The following KCNH8 variants were observed in gnomAD, a reference collection of about 807,000 sequenced individuals.
KCNH8 encodes the protein voltage-gated delayed rectifier potassium channel KCNH8.
Under a neutral mutation model 103.6 loss-of-function variants are expected in KCNH8, and 70 were observed. That is an observed-to-expected ratio of 0.68 (90% CI 0.56 to 0.82). The LOEUF is 0.82. KCNH8 is among the 40% of genes least tolerant of loss of function. KCNH8 has a pLI of 0.00. For synonymous variants in KCNH8, 498 were observed against 489.4 expected (o/e 1.02, Z -0.23); for missense variants, 1,217 against 1,329.9 (o/e 0.92, Z 1.32).
At chr3:19,275,545 G>A (rs1470243839) in intron 2 of KCNH8, among the ~76,000 whole-genome samples, 1 of 152,146 alleles carries the variant, frequency 6.6e-6, no homozygotes, top group Non-Finnish European at 1.5e-5. Context: ...TATATGAGCT[G>A]CATTGTAGAT....
At chr3:19,227,376 A>G (rs1203063827) in intron 1 of KCNH8, among the ~76,000 whole-genome samples, 1 of 152,254 alleles carries the variant, frequency 6.6e-6, no homozygotes, top group African/African-American at 2.4e-5. Context: ...GATAGTATAC[A>G]TGACACTTTT....
At chr3:19,388,247 G>A (rs528349980) in intron 5 of KCNH8, among the ~76,000 whole-genome samples, 1 of 152,144 alleles carries the variant, frequency 6.6e-6, no homozygotes, top group East Asian at 1.9e-4. Flanking sequence ...ACAACTCTGG[G>A]TTTTCTTACT....
At chr3:19,434,998 T>A (rs1426050022) in intron 7 of KCNH8, among the ~76,000 whole-genome samples, 1 of 152,046 alleles carries the variant, frequency 6.6e-6, no homozygotes, top group Non-Finnish European at 1.5e-5. Flanking sequence ...ATAATGTATT[T>A]AAAACTTGAA....
intron 1 of KCNH8, among the ~76,000 whole-genome samples, chr3:19,172,359 A>AT (rs373457189): frequency 0.042 from 6,369 of 152,144 alleles, 433 homozygotes; most frequent in African/African-American, 0.14. Flanking sequence ...CTTTTTAATG[A>AT]TTTTTTTCTC....
At chr3:19,397,010 C>G (rs564219581) in intron 7 of KCNH8, among the ~76,000 whole-genome samples, 2 of 152,038 alleles carry the variant, frequency 1.3e-5, no homozygotes, top group East Asian at 3.9e-4. Context: ...CTTATTCACA[C>G]TCTCAAATTT....
chr3:19,491,188 G>A (rs963657834), intron 11 of KCNH8, among the ~76,000 whole-genome samples: 6 of 152,058 alleles, frequency 3.9e-5, no homozygotes, highest in African/African-American at 1.2e-4. Flanking sequence ...GAGTACACTT[G>A]ATTATGCCTC....
At chr3:19,486,771 G>A (rs547938800) in intron 11 of KCNH8, among the ~76,000 whole-genome samples, 1 of 152,212 alleles carries the variant, frequency 6.6e-6, no homozygotes, top group African/African-American at 2.4e-5. Flanking sequence ...GCAAAGTTTG[G>A]AATCCATAAT....
At chr3:19,389,013 G>A (rs921146146) in intron 5 of KCNH8, among the ~76,000 whole-genome samples, 3 of 152,094 alleles carry the variant, frequency 2.0e-5, no homozygotes, top group Non-Finnish European at 2.9e-5. Flanking sequence ...ACTGTACTGG[G>A]CTCATACGAA....
chr3:19,442,203 T>C (rs1470213), intron 8 of KCNH8, among the ~76,000 whole-genome samples: 102,313 of 152,044 alleles, frequency 0.67, 34,802 homozygotes, highest in African/African-American at 0.72. Context: ...GACTGTTTTA[T>C]ATCCAGCGTT....
intron 10 of KCNH8, among the ~76,000 whole-genome samples, chr3:19,453,670 C>T (rs1032363149): frequency 7.9e-5 from 12 of 152,120 alleles, no homozygotes; most frequent in African/African-American, 2.4e-4. Context: ...GAATGGGATT[C>T]GTGTCTTTAT....
At chr3:19,415,290 G>T (rs962535269) in intron 7 of KCNH8, among the ~76,000 whole-genome samples, 2 of 151,612 alleles carry the variant, frequency 1.3e-5, no homozygotes, top group African/African-American at 4.8e-5. Flanking sequence ...CCATTTACAG[G>T]TAAGAAAACA....
intron 15 of KCNH8, among the ~76,000 whole-genome samples, chr3:19,528,893 C>T (rs1165603416): frequency 6.6e-6 from 1 of 152,098 alleles, no homozygotes; most frequent in African/African-American, 2.4e-5. Context: ...TTGGTACAGT[C>T]TCATGTGATG....
At chr3:19,486,523 TGA>T (rs1272766727) in intron 11 of KCNH8, among the ~76,000 whole-genome samples, 1 of 152,232 alleles carries the variant, frequency 6.6e-6, no homozygotes, top group Non-Finnish European at 1.5e-5. Context: ...CTAGTTGTTT[TGA>T]GAGATAGGCC....
At chr3:19,230,285 A>C (rs2063979315) in intron 1 of KCNH8, among the ~76,000 whole-genome samples, 1 of 152,226 alleles carries the variant, frequency 6.6e-6, no homozygotes, top group Non-Finnish European at 1.5e-5. Context: ...ACTTGTTTTA[A>C]TAATTCAAGG....
intron 1 of KCNH8, among the ~76,000 whole-genome samples, chr3:19,248,543 A>AT (rs2064235167): frequency 6.6e-6 from 1 of 152,130 alleles, no homozygotes; most frequent in African/African-American, 2.4e-5. Context: ...AGGTAAAAAT[A>AT]TTTTTTCTAC....
At chr3:19,353,233 C>T (rs1210989614) in intron 5 of KCNH8, among the ~76,000 whole-genome samples, 2 of 152,042 alleles carry the variant, frequency 1.3e-5, no homozygotes, top group African/African-American at 2.4e-5. Flanking sequence ...GAAATTAAGG[C>T]AATAATTAAT....
At chr3:19,488,414 G>A (rs2068254925) in intron 11 of KCNH8, among the ~76,000 whole-genome samples, 2 of 152,122 alleles carry the variant, frequency 1.3e-5, no homozygotes, top group Non-Finnish European at 2.9e-5. Context: ...TTCCAGTAAT[G>A]GCGAGGTATT....
chr3:19,274,922 A>G (rs1183250778), intron 2 of KCNH8, among the ~76,000 whole-genome samples: 1 of 134,400 alleles, frequency 7.4e-6, no homozygotes, highest in Admixed American at 7.9e-5. Context: ...TCTCAGTCAG[A>G]TATTCTGACT....
rs749327581 is a variant in KCNH8, at chr3:19,342,734, A to G, written c.570+20A>G. On this transcript the variant is annotated intron_variant, in intron 4 of 15. Coordinates refer to ENST00000328405, the MANE Select transcript of KCNH8 (RefSeq NM_144633.3). The stretch of plus-strand genomic sequence containing the variant: ...AATAACGTAGGTGGTATGTGTGTAC[A>G]GGATGAATGCTAGTGTTTCCCCTGG... The G allele has an allele frequency of 3.1e-6, 5 of 1,590,748 alleles. No individual in the cohort carries two copies. Among genetic ancestry groups the G allele is most frequent in the East Asian group, 2.3e-5 (1 of 43,570 alleles).
Sources: gnomAD v4.1 joint callset for allele counts (sites outside exome capture counted in the v4.1 genomes callset) on GRCh38, gnomAD v4.1.1 for gene constraint, MANE v1.5 for transcripts, NCBI Gene and HGNC (gene_info 2026-07-23, HGNC 2026-07-21) for gene names.